NLRP14: variants seen among roughly 807,000 people sequenced by gnomAD.
NLRP14 encodes NACHT, LRR and PYD domains-containing protein 14.
NLRP14 carries 105 observed loss-of-function variants against 94.7 expected under a neutral mutation model. The ratio of observed to expected loss-of-function variants is 1.11; its 90% CI spans 0.95 to 1.30. The LOEUF is 1.30. Ranked by LOEUF, NLRP14 falls within the 50% of genes most tolerant of loss-of-function variation. The pLI, the probability that NLRP14 is intolerant of heterozygous loss-of-function variation, is 0.00. For missense variants in NLRP14, 1,362 were observed against 1,254.1 expected, an observed-to-expected ratio of 1.09 and a Z score of -1.30; for synonymous variants, 508 against 459.9, an observed-to-expected ratio of 1.10 and a Z score of -1.34.
intron 6 of NLRP14, among the ~76,000 whole-genome samples, chr11:7,054,048 A>T (rs1435934138): frequency 6.6e-6 from 1 of 152,178 alleles, no homozygotes; most frequent in Non-Finnish European, 1.5e-5. Flanking sequence ...ATAAGTGAGA[A>T]CATGGAAAGT....
chr11:7,040,791 G>A (rs1852235886), intron 3 of NLRP14, among the ~76,000 whole-genome samples: 1 of 152,046 alleles, frequency 6.6e-6, no homozygotes, highest in Non-Finnish European at 1.5e-5. Flanking sequence ...TATCTTAAAT[G>A]ACCTTGAATA....
At chr11:7,076,608 G>A in the NLRP14 span, among the ~76,000 whole-genome samples, 3 of 151,836 alleles carry the variant, frequency 2.0e-5, no homozygotes, top group Admixed American at 6.6e-5. Flanking sequence ...TTGAAATATC[G>A]CCTCCTCAGA....
In NLRP14 at chr11:7,053,263, G is replaced by A. The variant is rs986476330; in HGVS notation, c.2291+3425G>A. 4.0e-5 allele frequency among the ~76,000 whole-genome samples: 6 copies of A among 151,812 alleles called. No homozygotes were observed. The East Asian group carries it at 1.2e-3, about 29-fold the overall frequency. The stretch of plus-strand genomic sequence containing the variant: ...TCAACATTTCAAAATCAGTAAGTTT[G>A]GAAACTGTATTTAAGTTAATATTAG... On this transcript the variant is annotated intron_variant, in intron 6 of 11. Transcript: ENST00000299481.
At chr11:7,075,324 A>T (rs1227068641), downstream of NLRP14, among the ~76,000 whole-genome samples, 1 of 152,216 alleles carries the variant, frequency 6.6e-6, no homozygotes, top group African/African-American at 2.4e-5. Context: ...AAATTTCAAC[A>T]TTTAATTAAA....
intron 6 of NLRP14, 128 bp from the exon 7 acceptor site, chr11:7,057,549 T>C (rs749008187): frequency 1.1e-5 from 9 of 841,740 alleles, no homozygotes; most frequent in Non-Finnish European, 1.8e-5. Context: ...TTTTTCTGTG[T>C]AGAGAAGTTG....
chr11:7,034,077 G>T (rs1172626426), intron 1 of NLRP14, among the ~76,000 whole-genome samples: 5 of 152,190 alleles, frequency 3.3e-5, no homozygotes, highest in Non-Finnish European at 5.9e-5. Flanking sequence ...AAATCAATAA[G>T]CACAGTCAGC....
Position 7,049,492 on chromosome 11 carries a change from G to T in NLRP14, c.2124-179G>T, listed in dbSNP as rs10839700. ...CTTTTCCGTTAAGGTAAAAAAAACT[G>T]GGGAGTGTCAATTATCAGGTCATAA... On this transcript the variant is annotated intron_variant, in intron 5 of 11. Coordinates refer to ENST00000299481, the MANE Select transcript of NLRP14 (RefSeq NM_176822.4). Among the ~76,000 whole-genome samples, 86,847 of 151,944 alleles carry T rather than the reference G, an allele frequency of 0.57. 25,860 individuals carry two copies. Among genetic ancestry groups the T allele is most frequent in the East Asian group, 0.86 (4,467 of 5,166 alleles).
chr11:7,079,816 C>CT, the NLRP14 span, among the ~76,000 whole-genome samples: 3 of 152,310 alleles, frequency 2.0e-5, no homozygotes, highest in Admixed American at 2.0e-4. Context: ...GCTTCTGTGT[C>CT]TTTCCCCCAT....
the NLRP14 span, among the ~76,000 whole-genome samples, chr11:7,081,941 T>G: frequency 1.3e-5 from 2 of 152,140 alleles, no homozygotes; most frequent in Admixed American, 1.3e-4. Context: ...TCACAGAGTT[T>G]GTTTCTCTGG....
chr11:7,048,912 T>A (rs1276118991), intron 5 of NLRP14, among the ~76,000 whole-genome samples: 2 of 152,090 alleles, frequency 1.3e-5, no homozygotes, highest in Non-Finnish European at 2.9e-5. Flanking sequence ...CATTTATGTT[T>A]ACTGAGTGCC....
intron 1 of NLRP14, among the ~76,000 whole-genome samples, chr11:7,026,496 TC>T (rs1852015502): frequency 1.3e-5 from 2 of 151,988 alleles, no homozygotes; most frequent in East Asian, 3.9e-4. Flanking sequence ...CATTAAAAAG[TC>T]AGGAAAAAAC....
At chr11:7,088,073 TAAAA>T in the NLRP14 span, among the ~76,000 whole-genome samples, 1 of 152,032 alleles carries the variant, frequency 6.6e-6, no homozygotes, top group Non-Finnish European at 1.5e-5. Context: ...TTCTATCAAA[TAAAA>T]AACAAGTTAG....
In NLRP14 at chr11:7,042,439, G is replaced by T. The variant is rs1852268857; in HGVS notation, c.413G>T (p.Trp138Leu). ...ATAAAGGAAAAATTTTGCATCACTT[G>T]GGACAAGAAGTCTTTGGCTGGAAAG... ...NRIKEKFCIT[W>L]DKKSLAGKPE... Residue 138 changes from tryptophan (W) to leucine (L), a missense_variant, in exon 4 of 12, where the codon TGG becomes TTG. By Grantham distance (61) the Trp-to-Leu change is moderately conservative. Coordinates refer to ENST00000299481, the MANE Select transcript of NLRP14 (RefSeq NM_176822.4). 1 of 1,613,722 alleles carries T rather than the reference G, an allele frequency of 6.2e-7. No individual in the cohort carries two copies. The highest frequency in any genetic ancestry group is 8.5e-7 in the Non-Finnish European group (1 of 1,179,702).
chr11:7,062,751 A>G (rs1852644561), intron 10 of NLRP14, among the ~76,000 whole-genome samples: 1 of 152,018 alleles, frequency 6.6e-6, no homozygotes, highest in Non-Finnish European at 1.5e-5. Flanking sequence ...CGCAAATGGT[A>G]CCTGGTTTGG....
chr11:7,051,110 T>C (rs1485573280), intron 6 of NLRP14, among the ~76,000 whole-genome samples: 1 of 152,186 alleles, frequency 6.6e-6, no homozygotes, highest in Non-Finnish European at 1.5e-5. Context: ...ACAGACCAAG[T>C]TGCCAGGATT....
the NLRP14 span, chr11:7,089,083 C>T: frequency 6.3e-7 from 1 of 1,598,894 alleles, no homozygotes; most frequent in Non-Finnish European, 8.5e-7. Flanking sequence ...CGCCTCACCG[C>T]CTCCCACCGC....
downstream of NLRP14, among the ~76,000 whole-genome samples, chr11:7,072,005 A>G (rs1048737038): frequency 6.6e-6 from 1 of 152,232 alleles, no homozygotes; most frequent in African/African-American, 2.4e-5. Context: ...CTAGAAACAG[A>G]TTCTTTCATT....
rs143030836 is a variant in NLRP14, at chr11:7,059,771, T to A, written c.2634-123T>A. On this transcript the variant is annotated intron_variant, in intron 8 of 11. Transcript: ENST00000299481. ...GTGAGACAGGCTGGCAGTGAGGGTG[T>A]TTCATCTGAGATGGAATGTTGGCAA... 1.2e-3 allele frequency: 978 copies of A among 842,240 alleles called. 10 individuals are homozygous for A. In the African/African-American group the frequency reaches 0.014, roughly 12 times the overall value. The allele number at this position is 842,240 out of a possible 1,614,324, so 52.2% of individuals were successfully genotyped here.
At chr11:7,089,592 G>A in the NLRP14 span, 2 of 1,184,770 alleles carry the variant, frequency 1.7e-6, no homozygotes, top group South Asian at 3.6e-5. Flanking sequence ...GCGCAGGGTC[G>A]GCCCACCCCC....
Sources: allele counts gnomAD v4.1 joint callset (sites outside exome capture counted in the v4.1 genomes callset), GRCh38; gene constraint gnomAD v4.1.1; transcripts MANE v1.5; gene names NCBI Gene and HGNC (gene_info 2026-07-23, HGNC 2026-07-21).